TRAPPC9: variants seen among roughly 807,000 people sequenced by gnomAD.
TRAPPC9 encodes trafficking protein particle complex subunit 9, also known as IKK2 binding protein.
TRAPPC9 carries 83 observed loss-of-function variants against 124.0 expected under a neutral mutation model. That is an observed-to-expected ratio of 0.67 (90% CI 0.56 to 0.80). The LOEUF is 0.80. Among genes scored for constraint, TRAPPC9 ranks in the 30% least tolerant of loss-of-function variants. The probability of loss-of-function intolerance (pLI) is 0.00; values close to 1 mark genes in which losing one functional copy is unlikely to be tolerated. For synonymous variants in TRAPPC9, 638 were observed against 617.5 expected (o/e 1.03, Z -0.49); for missense variants, 1,302 against 1,508.3 (o/e 0.86, Z 2.27).
chr8:140,052,232 CAACAACAACAACA>C (rs1187864413), intron 17 of TRAPPC9, among the ~76,000 whole-genome samples: 117 of 151,566 alleles, frequency 7.7e-4, no homozygotes, highest in Admixed American at 2.2e-3. Context: ...ACAACAACAA[CAACAACAACAACA>C]ACACAGAAAC....
chr8:140,052,897 T>C (rs1842087681), intron 17 of TRAPPC9, among the ~76,000 whole-genome samples: 1 of 151,322 alleles, frequency 6.6e-6, no homozygotes, highest in Non-Finnish European at 1.5e-5. Flanking sequence ...CAGTGAGCCG[T>C]GGTTGAACCA....
At chr8:140,296,111 C>T (rs990159552) in intron 11 of TRAPPC9, among the ~76,000 whole-genome samples, 1 of 152,090 alleles carries the variant, frequency 6.6e-6, no homozygotes, top group African/African-American at 2.4e-5. Context: ...ACTTAAATTT[C>T]GTTCAGTCTT....
chr8:140,172,744 T>G (rs1286668947), intron 17 of TRAPPC9, among the ~76,000 whole-genome samples: 1 of 152,194 alleles, frequency 6.6e-6, no homozygotes, highest in East Asian at 1.9e-4. Context: ...CATTACCTAT[T>G]ACTATGATTA....
chr8:140,009,811 C>G (rs981519847), intron 18 of TRAPPC9, among the ~76,000 whole-genome samples: 2 of 152,230 alleles, frequency 1.3e-5, no homozygotes, highest in African/African-American at 4.8e-5. Context: ...TCTCGCCTAT[C>G]CTTCTCCATT....
rs1057368820 is a variant in TRAPPC9 at position 139,825,270 on chromosome 8, C to T, written c.3055+60609G>A. Among the ~76,000 whole-genome samples the T allele has an allele frequency of 6.6e-6, 1 of 152,224 alleles. No individual in the cohort carries two copies. The highest frequency in any genetic ancestry group is 2.4e-5 in the African/African-American group (1 of 41,462). On this transcript the variant is annotated intron_variant, in intron 21 of 22. Transcript: ENST00000438773. The surrounding 1 kb of genome is among the most constrained non-coding windows in gnomAD (Gnocchi z 4.6). Reference sequence around the variant, plus strand: ...CTCCTGTCTTTCAGGGAACTAGCCACTCCTCTGGGACCTGCAGCCACACTG... The same window carrying T: ...CTCCTGTCTTTCAGGGAACTAGCCATTCCTCTGGGACCTGCAGCCACACTG...
At chr8:140,301,481 G>A (rs947361502) in intron 10 of TRAPPC9, among the ~76,000 whole-genome samples, 6 of 152,184 alleles carry the variant, frequency 3.9e-5, no homozygotes, top group African/African-American at 1.2e-4. Context: ...TCGCAAATCC[G>A]ATGGCTGGAA....
chr8:139,857,634 TGA>T (rs1827882619), intron 21 of TRAPPC9, among the ~76,000 whole-genome samples: 1 of 152,202 alleles, frequency 6.6e-6, no homozygotes, highest in Non-Finnish European at 1.5e-5. Context: ...TGGTGCCCTC[TGA>T]GAGTCAGGAG....
chr8:139,939,383 C>T (rs1050973119), intron 19 of TRAPPC9, among the ~76,000 whole-genome samples: 4 of 152,172 alleles, frequency 2.6e-5, no homozygotes, highest in Non-Finnish European at 4.4e-5. Context: ...GGAAGCGGGG[C>T]GAGCCAGAGA....
At chr8:139,930,518 C>G (rs547367090) in intron 19 of TRAPPC9, among the ~76,000 whole-genome samples, 79 of 152,332 alleles carry the variant, frequency 5.2e-4, no homozygotes, top group African/African-American at 1.9e-3. Context: ...TCGCATCAGA[C>G]AGGAGATAGT....
chr8:139,885,746 AG>A, intron 21 of TRAPPC9, 132 bp downstream of exon 21: 1 of 841,420 alleles, frequency 1.2e-6, no homozygotes, highest in Non-Finnish European at 1.9e-6. Flanking sequence ...TTTTCCCCCA[AG>A]GTTTCCCGTG....
intron 21 of TRAPPC9, among the ~76,000 whole-genome samples, chr8:139,759,184 G>C (rs1202464775): frequency 6.6e-6 from 1 of 152,218 alleles, no homozygotes; most frequent in Non-Finnish European, 1.5e-5. Flanking sequence ...AACTTGCCCA[G>C]GCTGCATAGG....
chr8:140,202,040 A>G (rs1298733217), intron 17 of TRAPPC9, among the ~76,000 whole-genome samples: 1 of 152,210 alleles, frequency 6.6e-6, no homozygotes, highest in Non-Finnish European at 1.5e-5. Flanking sequence ...GCACCACAAC[A>G]ATGCCATTTA....
chr8:140,270,737 C>G (rs990759814), intron 15 of TRAPPC9, among the ~76,000 whole-genome samples: 1 of 152,126 alleles, frequency 6.6e-6, no homozygotes, highest in Non-Finnish European at 1.5e-5. Flanking sequence ...GTCAGCATGG[C>G]GTGCCCGGGG....
At chr8:139,889,771 AG>A (rs1830221034) in intron 20 of TRAPPC9, among the ~76,000 whole-genome samples, 1 of 152,218 alleles carries the variant, frequency 6.6e-6, no homozygotes. Flanking sequence ...ATCTGAGCAG[AG>A]GGCCACAGCA....
At chr8:140,398,616 A>C (rs2069163585) in intron 6 of TRAPPC9, among the ~76,000 whole-genome samples, 1 of 152,188 alleles carries the variant, frequency 6.6e-6, no homozygotes, top group African/African-American at 2.4e-5. Context: ...CTTGAGAGAG[A>C]TGATTTAGGA....
At chr8:139,751,342 C>T (rs1427044151) in intron 21 of TRAPPC9, among the ~76,000 whole-genome samples, 1 of 152,166 alleles carries the variant, frequency 6.6e-6, no homozygotes, top group Admixed American at 6.5e-5. Flanking sequence ...GGGATTGACC[C>T]CCGCCATGGC....
chr8:140,084,223 T>C (rs958825461), intron 17 of TRAPPC9, among the ~76,000 whole-genome samples: 1 of 152,212 alleles, frequency 6.6e-6, no homozygotes, highest in Non-Finnish European at 1.5e-5. Flanking sequence ...CCAACATTCT[T>C]ACAATTTTAG....
intron 19 of TRAPPC9, among the ~76,000 whole-genome samples, chr8:139,942,334 C>A (rs1179726571): frequency 1.3e-5 from 2 of 151,968 alleles, no homozygotes; most frequent in Non-Finnish European, 2.9e-5. Flanking sequence ...GGCATTGACC[C>A]AACAAGTGTT....
intron 17 of TRAPPC9, among the ~76,000 whole-genome samples, chr8:140,162,393 C>T (rs75040581): frequency 0.14 from 21,441 of 152,160 alleles, 2,147 homozygotes; most frequent in East Asian, 0.5. Flanking sequence ...CGTACTCTAA[C>T]CTAGGCCAGT....
Sources: gnomAD v4.1 joint callset for allele counts (sites outside exome capture counted in the v4.1 genomes callset) on GRCh38, gnomAD v4.1.1 for gene constraint, Gnocchi (gnomAD v3.1) non-coding constraint, MANE v1.5 for transcripts, NCBI Gene and HGNC (gene_info 2026-07-23, HGNC 2026-07-21) for gene names.